CHSY3: variants seen among roughly 807,000 people sequenced by gnomAD.
CHSY3 encodes N-acetylgalactosaminyl-proteoglycan 3-beta-glucuronosyltransferase 3.
CHSY3 carries 35 observed loss-of-function variants against 67.2 expected under a neutral mutation model. The ratio of observed to expected loss-of-function variants is 0.52; its 90% CI spans 0.40 to 0.69. The LOEUF is 0.69. CHSY3 is among the 30% of genes least tolerant of loss of function. CHSY3 has a pLI of 0.00. For missense variants in CHSY3, 1,069 were observed against 1,138.5 expected, an observed-to-expected ratio of 0.94 and a Z score of 0.88; for synonymous variants, 474 against 434.7, an observed-to-expected ratio of 1.09 and a Z score of -1.12.
At chr5:129,982,152 A>G (rs1393397459) in intron 2 of CHSY3, among the ~76,000 whole-genome samples, 2 of 152,052 alleles carry the variant, frequency 1.3e-5, no homozygotes, top group African/African-American at 4.8e-5. Context: ...CTTTGGTAAC[A>G]TGTTTGACAC....
At chr5:129,915,462 CAAAAT>C (rs1760703186) in intron 2 of CHSY3, among the ~76,000 whole-genome samples, 1 of 152,070 alleles carries the variant, frequency 6.6e-6, no homozygotes, top group Non-Finnish European at 1.5e-5. Flanking sequence ...TTAACTGAAT[CAAAAT>C]AATGTGTTTA....
At chr5:129,928,440 T>C (rs1415896110) in intron 2 of CHSY3, among the ~76,000 whole-genome samples, 6 of 152,034 alleles carry the variant, frequency 3.9e-5, no homozygotes, top group Non-Finnish European at 5.9e-5. Flanking sequence ...GCTTTGTTTC[T>C]TTTGGATGCT....
chr5:130,022,955 T>A (rs1001205034), intron 2 of CHSY3, among the ~76,000 whole-genome samples: 11 of 152,020 alleles, frequency 7.2e-5, no homozygotes, highest in Non-Finnish European at 4.4e-5. Flanking sequence ...ATATTTGTTA[T>A]ATCTGGGGAA....
chr5:130,013,478 C>T (rs1764125796), intron 2 of CHSY3, among the ~76,000 whole-genome samples: 1 of 152,212 alleles, frequency 6.6e-6, no homozygotes, highest in Admixed American at 6.5e-5. Context: ...CATACATCCT[C>T]TGAAATCTAA....
At chr5:130,100,152 A>G (rs1488221666) in intron 2 of CHSY3, among the ~76,000 whole-genome samples, 1 of 152,118 alleles carries the variant, frequency 6.6e-6, no homozygotes, top group Non-Finnish European at 1.5e-5. Context: ...CAGACATAAA[A>G]AGGAAGCTTT....
chr5:130,168,857 A>G (rs1157555147), intron 2 of CHSY3, among the ~76,000 whole-genome samples: 2 of 152,136 alleles, frequency 1.3e-5, no homozygotes, highest in African/African-American at 2.4e-5. Context: ...ATGAATGTGT[A>G]TAGTTAGTGC....
intron 2 of CHSY3, among the ~76,000 whole-genome samples, chr5:129,951,116 A>G (rs1762012731): frequency 6.6e-6 from 1 of 152,224 alleles, no homozygotes; most frequent in Non-Finnish European, 1.5e-5. Flanking sequence ...GTCTTTGACA[A>G]AGACACAAAA....
Position 130,070,760 on chromosome 5 carries a change from G to GTGT in CHSY3, c.1087-113467_1087-113465dup, listed in dbSNP as rs573984826. 3.8e-3 allele frequency among the ~76,000 whole-genome samples: 574 copies of GTGT among 152,124 alleles called. 5 individuals are homozygous for GTGT. Among genetic ancestry groups the GTGT allele is most frequent in the Non-Finnish European group, 5.7e-3 (386 of 67,942 alleles). On this transcript the variant is annotated intron_variant, in intron 2 of 2. Transcript: ENST00000305031. The stretch of plus-strand genomic sequence containing the variant: ...TATACAGATATTCAGTACTGTTGAA[G>GTGT]TGTTAATAAAAGTAAGATGAATCTT...
chr5:130,154,039 T>C (rs1987376), intron 2 of CHSY3, among the ~76,000 whole-genome samples: 143,741 of 152,078 alleles, frequency 0.95, 68,047 homozygotes, highest in East Asian at 1. Flanking sequence ...GCCTCAGCCT[T>C]CTGAGTAGCT....
At chr5:130,010,046 T>C (rs1447287883) in intron 2 of CHSY3, among the ~76,000 whole-genome samples, 1 of 152,260 alleles carries the variant, frequency 6.6e-6, no homozygotes, top group Non-Finnish European at 1.5e-5. Flanking sequence ...TATGAAACTG[T>C]AACACCCCAC....
At chr5:130,122,705 G>A (rs536331378) in intron 2 of CHSY3, among the ~76,000 whole-genome samples, 75 of 152,242 alleles carry the variant, frequency 4.9e-4, no homozygotes, top group African/African-American at 1.1e-3. Flanking sequence ...CCAGGTAAAC[G>A]TAAATATTTT....
At chr5:129,934,479 A>G (rs1761425034) in intron 2 of CHSY3, among the ~76,000 whole-genome samples, 1 of 152,136 alleles carries the variant, frequency 6.6e-6, no homozygotes, top group African/African-American at 2.4e-5. Context: ...AATCATTTGA[A>G]TTTAATGCAG....
intron 2 of CHSY3, among the ~76,000 whole-genome samples, chr5:130,073,382 G>A (rs1766148877): frequency 6.6e-6 from 1 of 151,848 alleles, no homozygotes; most frequent in Non-Finnish European, 1.5e-5. Flanking sequence ...CTGCCTCCCG[G>A]GTTCAAGCGA....
In CHSY3 at chr5:129,904,837, T is replaced by G. The variant is rs1760174499; in HGVS notation, c.8T>G (p.Val3Gly). MA[V>G]RSRRPWMSVA... ...GCGCCCGGGACAGCCGCGATGGCTGTGCGCTCTCGCCGCCCGTGGATGAGC... is the reference window on the plus strand; with the variant it reads ...GCGCCCGGGACAGCCGCGATGGCTGGGCGCTCTCGCCGCCCGTGGATGAGC... The change falls in exon 1 of 3, where the codon GTG (valine) becomes GGG (glycine). Residue 3 changes from valine (V) to glycine (G), a missense_variant. By Grantham distance (109) the Val-to-Gly change is moderately radical. This residue lies in a region of CHSY3 where 309 missense variants were observed against 262.5 expected (regional missense o/e 1.18). Transcript: ENST00000305031. 1.1e-5 allele frequency: 16 copies of G among 1,438,918 alleles called. No individual in the cohort carries two copies. Among genetic ancestry groups the G allele is most frequent in the Non-Finnish European group, 1.5e-5 (16 of 1,093,426 alleles). The allele number at this position is 1,438,918 out of a possible 1,614,324, so 89.1% of individuals were successfully genotyped here.
At chr5:130,176,493 G>C (rs1770055631) in intron 2 of CHSY3, among the ~76,000 whole-genome samples, 1 of 152,144 alleles carries the variant, frequency 6.6e-6, no homozygotes, top group Non-Finnish European at 1.5e-5. Context: ...CCATTACTGG[G>C]TATATACCCA....
At chr5:130,141,196 G>C (rs1206502729) in intron 2 of CHSY3, 1 of 470,910 alleles carries the variant, frequency 2.1e-6, no homozygotes, top group Non-Finnish European at 4.2e-6. Flanking sequence ...AAGATTTGCT[G>C]CTCTTGGATG....
chr5:129,967,742 G>A (rs967814338), intron 2 of CHSY3, among the ~76,000 whole-genome samples: 1 of 151,782 alleles, frequency 6.6e-6, no homozygotes, highest in African/African-American at 2.4e-5. Flanking sequence ...GGCAAACTAT[G>A]CTTAAACCTG....
intron 2 of CHSY3, among the ~76,000 whole-genome samples, chr5:130,025,732 T>G (rs1309008904): frequency 6.6e-6 from 1 of 152,010 alleles, no homozygotes; most frequent in Non-Finnish European, 1.5e-5. Context: ...CTCCCTGGGA[T>G]GTCTTGATAA....
At chr5:129,972,256 G>T (rs10036249) in intron 2 of CHSY3, among the ~76,000 whole-genome samples, 76,088 of 151,726 alleles carry the variant, frequency 0.5, 19,594 homozygotes, top group Middle Eastern at 0.58. Flanking sequence ...TTTCCACTCT[G>T]TCTAAATGGA....
Sources: allele counts gnomAD v4.1 joint callset (sites outside exome capture counted in the v4.1 genomes callset), GRCh38; gene constraint gnomAD v4.1.1; regional missense constraint gnomAD v4.1.1; transcripts MANE v1.5; gene names NCBI Gene and HGNC (gene_info 2026-07-23, HGNC 2026-07-21).